MYLK: variants seen among roughly 807,000 people sequenced by gnomAD.
The protein encoded by MYLK is myosin light chain kinase, also known as myosin light chain kinase, smooth muscle.
A neutral mutation model predicts 203.4 loss-of-function variants in MYLK; 106 were observed. The ratio of observed to expected loss-of-function variants is 0.52; its 90% CI spans 0.45 to 0.61. The LOEUF (loss-of-function observed/expected upper bound fraction) is 0.61. MYLK is among the 20% of genes least tolerant of loss of function. The probability of loss-of-function intolerance (pLI) is 0.00; values close to 1 mark genes in which losing one functional copy is unlikely to be tolerated. For missense variants in MYLK, 2,072 were observed against 2,442.3 expected (o/e 0.85, Z 3.20); for synonymous variants, 867 against 959.5 (o/e 0.90, Z 1.78).
At chr3:123,821,283 G>A (rs913179005) in intron 3 of MYLK, among the ~76,000 whole-genome samples, 11 of 151,998 alleles carry the variant, frequency 7.2e-5, no homozygotes, top group Admixed American at 3.9e-4. Context: ...TATATTTTAA[G>A]CAGGGCAGGG....
chr3:123,784,263 A>G (rs1042688159), intron 4 of MYLK, among the ~76,000 whole-genome samples: 25 of 151,984 alleles, frequency 1.6e-4, no homozygotes, highest in Non-Finnish European at 2.6e-4. Flanking sequence ...CCACTTATAC[A>G]CGAATCATAT....
intron 2 of MYLK, among the ~76,000 whole-genome samples, chr3:123,875,410 T>C (rs960059569): frequency 6.6e-6 from 1 of 151,908 alleles, no homozygotes; most frequent in Admixed American, 6.6e-5. Flanking sequence ...CATTCCGAGA[T>C]AGGAAAGAAC....
chr3:123,707,238 G>A (rs1404367378), intron 16 of MYLK, among the ~76,000 whole-genome samples: 4 of 152,230 alleles, frequency 2.6e-5, no homozygotes, highest in Non-Finnish European at 4.4e-5. Context: ...CCACAGTCAC[G>A]GGAGTGAGCC....
chr3:123,637,574 C>T (rs1231051348), intron 29 of MYLK, among the ~76,000 whole-genome samples: 2 of 152,164 alleles, frequency 1.3e-5, no homozygotes, highest in African/African-American at 2.4e-5. Flanking sequence ...GCTCGATCAT[C>T]AATAGTGTTT....
chr3:123,650,309 G>A (rs539161077), intron 24 of MYLK, among the ~76,000 whole-genome samples: 1 of 152,314 alleles, frequency 6.6e-6, no homozygotes, highest in South Asian at 2.1e-4. Context: ...TCTGGGCTGC[G>A]TCCTGGCTGA....
At chr3:123,666,132 C>T in intron 22 of MYLK, 87 bp downstream of exon 22, 1 of 1,604,886 alleles carries the variant, frequency 6.2e-7, no homozygotes, top group Non-Finnish European at 8.5e-7. Flanking sequence ...AGGCCATCTC[C>T]AGCACGGCAT....
chr3:123,728,974 T>C (rs1036147775), intron 11 of MYLK, among the ~76,000 whole-genome samples: 14 of 152,116 alleles, frequency 9.2e-5, no homozygotes, highest in African/African-American at 3.4e-4. Flanking sequence ...CATTCGGAGC[T>C]AACAAGAGCC....
chr3:123,878,190 G>T (rs751826293), intron 1 of MYLK, among the ~76,000 whole-genome samples: 1 of 152,128 alleles, frequency 6.6e-6, no homozygotes, highest in Non-Finnish European at 1.5e-5. Flanking sequence ...CTACCCTTAC[G>T]ACCACAGCAC....
chr3:123,700,474 G>C lies in MYLK; in HGVS notation c.2994C>G (p.Ser998Arg). 6.2e-7 allele frequency: 1 copy of C among 1,607,964 alleles called. No individual in the cohort carries two copies. Among genetic ancestry groups the C allele is most frequent in the Middle Eastern group, 1.7e-4 (1 of 6,034 alleles). Residue 998 changes from serine (S) to arginine (R), a missense_variant, in exon 18 of 34, where the codon AGC becomes AGG. Coordinates refer to ENST00000360304, the MANE Select transcript of MYLK (RefSeq NM_053025.4). ...CCTTGGCATTCAGGGTCTCGGCACT[G>C]CTGCTGCCATTCTCTGCTGGTAATT... ...KKKLPAENGSSSAETLNAKAV... is the reference protein window; with the variant it reads ...KKKLPAENGSRSAETLNAKAV...
At chr3:123,808,460 A>G (rs2065444788) in intron 3 of MYLK, among the ~76,000 whole-genome samples, 1 of 152,190 alleles carries the variant, frequency 6.6e-6, no homozygotes, top group African/African-American at 2.4e-5. Flanking sequence ...AAGCATTTTT[A>G]TATTACAACC....
intron 5 of MYLK, among the ~76,000 whole-genome samples, chr3:123,745,126 C>T (rs1416374477): frequency 6.6e-6 from 1 of 152,018 alleles, no homozygotes; most frequent in Non-Finnish European, 1.5e-5. Context: ...AATTACTGGG[C>T]TCTTTTTTTT....
chr3:123,841,348 A>G (rs937458003), intron 2 of MYLK, among the ~76,000 whole-genome samples: 1 of 152,190 alleles, frequency 6.6e-6, no homozygotes, highest in Non-Finnish European at 1.5e-5. Context: ...GTAAGGAAAT[A>G]TGAGATTAAT....
chr3:123,700,227 G>A lies in MYLK; in HGVS notation c.3241C>T (p.His1081Tyr). 1 of 1,613,812 alleles carries A rather than the reference G, an allele frequency of 6.2e-7. No individual in the cohort carries two copies. The highest frequency in any genetic ancestry group is 1.1e-5 in the South Asian group (1 of 91,044). Residue 1081 changes from histidine (H) to tyrosine (Y), a missense_variant, in exon 18 of 34, where the codon CAT becomes TAT. Transcript: ENST00000360304. ...VKNDVNCKRG[H>Y]AGTTDNEKRS... is the part of the protein sequence containing the mutation. Reference sequence around the variant, plus strand: ...TTTTCATTATCTGTGGTCCCTGCATGGCCTCTCTTGCAGTTCACATCATTC... The same window carrying A: ...TTTTCATTATCTGTGGTCCCTGCATAGCCTCTCTTGCAGTTCACATCATTC...
intron 13 of MYLK, among the ~76,000 whole-genome samples, chr3:123,719,093 G>A (rs2062003257): frequency 6.6e-6 from 1 of 152,240 alleles, no homozygotes; most frequent in African/African-American, 2.4e-5. Flanking sequence ...AGGGCTGGCT[G>A]CAGAAATCGC....
intron 4 of MYLK, among the ~76,000 whole-genome samples, chr3:123,791,402 G>A (rs1158223760): frequency 6.6e-6 from 1 of 152,118 alleles, no homozygotes; most frequent in African/African-American, 2.4e-5. Context: ...TCTTCTTCTG[G>A]GATCATGTGA....
At chr3:123,823,152 GC>G (rs2065994468) in intron 3 of MYLK, among the ~76,000 whole-genome samples, 1 of 152,128 alleles carries the variant, frequency 6.6e-6, no homozygotes, top group Admixed American at 6.5e-5. Flanking sequence ...TTTCTGGAAT[GC>G]CATGCTCTCC....
intron 4 of MYLK, among the ~76,000 whole-genome samples, chr3:123,791,457 C>G (rs572669445): frequency 6.6e-6 from 1 of 152,320 alleles, no homozygotes; most frequent in African/African-American, 2.4e-5. Flanking sequence ...GTTTCCTACA[C>G]TAACAATACA....
At chr3:123,694,172 T>C (rs2060806801) in intron 18 of MYLK, among the ~76,000 whole-genome samples, 1 of 152,204 alleles carries the variant, frequency 6.6e-6, no homozygotes, top group African/African-American at 2.4e-5. Flanking sequence ...ACCAGGGTAC[T>C]GTTTTAAACA....
intron 4 of MYLK, among the ~76,000 whole-genome samples, chr3:123,761,806 G>A (rs1403770605): frequency 2.0e-5 from 3 of 152,044 alleles, no homozygotes; most frequent in Non-Finnish European, 2.9e-5. Context: ...CAGGTGGATC[G>A]CCTGAGGTCA....
Sources: gnomAD v4.1 joint callset for allele counts (sites outside exome capture counted in the v4.1 genomes callset) on GRCh38, gnomAD v4.1.1 for gene constraint, MANE v1.5 for transcripts, NCBI Gene and HGNC (gene_info 2026-07-23, HGNC 2026-07-21) for gene names.